HDAC11: variants seen among roughly 807,000 people sequenced by gnomAD.
The protein encoded by HDAC11 is histone deacetylase 11.
HDAC11 carries 23 observed loss-of-function variants against 41.1 expected under a neutral mutation model. That is an observed-to-expected ratio of 0.56 (90% CI 0.40 to 0.79). The LOEUF (loss-of-function observed/expected upper bound fraction) is 0.79, where lower values mean the gene tolerates loss of function less well. HDAC11 is among the 30% of genes least tolerant of loss of function. The probability of loss-of-function intolerance (pLI) is 0.00; values close to 1 mark genes in which losing one functional copy is unlikely to be tolerated. For synonymous variants in HDAC11, 187 were observed against 186.6 expected (o/e 1.00, Z -0.02); for missense variants, 402 against 477.3 (o/e 0.84, Z 1.47).
chr3:13,492,141 G>A (rs1179819161), intron 3 of HDAC11, among the ~76,000 whole-genome samples: 1 of 152,256 alleles, frequency 6.6e-6, no homozygotes, highest in African/African-American at 2.4e-5. Flanking sequence ...CACAGATGTG[G>A]ATTTGGAAGT....
At chr3:13,494,326 C>T (rs568427010) in intron 3 of HDAC11, among the ~76,000 whole-genome samples, 1 of 152,340 alleles carries the variant, frequency 6.6e-6, no homozygotes, top group African/African-American at 2.4e-5. Flanking sequence ...TGGTTCCATG[C>T]CAGCCACACG....
At chr3:13,498,149 C>T (rs1189854497) in intron 4 of HDAC11, among the ~76,000 whole-genome samples, 1 of 152,222 alleles carries the variant, frequency 6.6e-6, no homozygotes, top group Non-Finnish European at 1.5e-5. Context: ...AGCCACTGCG[C>T]CTGGCCCAGT....
intron 6 of HDAC11, chr3:13,501,637 G>T (rs1332455329): frequency 2.8e-6 from 2 of 704,938 alleles, no homozygotes; most frequent in South Asian, 3.0e-5. Flanking sequence ...CAGGGCACAG[G>T]ACATGCCCCC....
chr3:13,489,726 C>A (rs1275956167), intron 3 of HDAC11, among the ~76,000 whole-genome samples: 1 of 152,102 alleles, frequency 6.6e-6, no homozygotes, highest in Admixed American at 6.5e-5. Flanking sequence ...GCTACCATGC[C>A]TGGCTAATTT....
Position 13,480,306 on chromosome 3 carries a change from G to GCCCC in HDAC11, c.-42_-41insCCCC. ...ACCCGCGCCCCGCCCCGCCCCGCCCGGTCGCGGAGCTGCGGCCAGCTTTGG... is the reference window on the plus strand; with the variant it reads ...ACCCGCGCCCCGCCCCGCCCCGCCCGCCCCGTCGCGGAGCTGCGGCCAGCTTTGG... On this transcript the variant is annotated 5_prime_UTR_variant, in exon 1 of 10. Transcript: ENST00000295757. This position sits in a 1 kb window ranked among gnomAD's most constrained non-coding sequence, Gnocchi z 4.6. The GCCCC allele has an allele frequency of 8.1e-7, 1 of 1,234,158 alleles. No individual in the cohort carries two copies. The highest frequency in any genetic ancestry group is 1.6e-5 in the African/African-American group (1 of 63,974). 76.5% of individuals were successfully genotyped at this position (1,234,158 alleles called of 1,614,324 possible). A position where few individuals can be genotyped will look rare whatever the true frequency, so the allele number is the denominator to read the frequency against.
At chr3:13,484,369 A>G (rs575707675) in intron 3 of HDAC11, among the ~76,000 whole-genome samples, 3 of 152,362 alleles carry the variant, frequency 2.0e-5, no homozygotes, top group Non-Finnish European at 4.4e-5. Context: ...CTCAGGGCTC[A>G]GCAGAGAAGA....
intron 3 of HDAC11, among the ~76,000 whole-genome samples, chr3:13,491,322 A>G (rs534630518): frequency 3.3e-5 from 5 of 152,094 alleles, no homozygotes; most frequent in African/African-American, 1.2e-4. Flanking sequence ...CATTGAGTAT[A>G]ATGTCAGCTG....
chr3:13,496,494 T>G (rs936402769), intron 3 of HDAC11: 1 of 396,240 alleles, frequency 2.5e-6, no homozygotes, highest in Non-Finnish European at 4.5e-6. Flanking sequence ...TGAGGAACCC[T>G]GGCCAACTAG....
Position 13,494,350 on chromosome 3 carries a change from G to A in HDAC11, c.253-2386G>A, listed in dbSNP as rs541093511. Among the ~76,000 whole-genome samples, 341 of 152,326 alleles carry A rather than the reference G, an allele frequency of 2.2e-3. 1 individual carries two copies. Among genetic ancestry groups the A allele is most frequent in the African/African-American group, 7.7e-3 (320 of 41,582 alleles). ...GCCAGCCACACGCGGGGCCTCTGCCGGGCAGTGGGATGAGTGTGGTGAACA... is the reference window on the plus strand; with the variant it reads ...GCCAGCCACACGCGGGGCCTCTGCCAGGCAGTGGGATGAGTGTGGTGAACA... On this transcript the variant is annotated intron_variant, in intron 3 of 9. Transcript: ENST00000295757.
In HDAC11 at chr3:13,505,397, TAGC is replaced by T. The variant is rs1702573918; in HGVS notation, c.*717_*719del. The T allele has an allele frequency of 1.3e-5, 2 of 154,916 alleles. No homozygotes were observed. Among genetic ancestry groups the T allele is most frequent in the Admixed American group, 1.3e-4 (2 of 15,798 alleles). 9.6% of individuals were successfully genotyped at this position (154,916 alleles called of 1,614,324 possible). A position where few individuals can be genotyped will look rare whatever the true frequency, so the allele number is the denominator to read the frequency against. ...GCCTGCGGCGCCCAGATCACTGCCTTAGCAGTAGTCTTGCCTGTTCAGTGCAAG... is the reference window on the plus strand; with the variant it reads ...GCCTGCGGCGCCCAGATCACTGCCTTAGTAGTCTTGCCTGTTCAGTGCAAG... On this transcript the variant is annotated 3_prime_UTR_variant, in exon 10 of 10. Coordinates refer to ENST00000295757, the MANE Select transcript of HDAC11 (RefSeq NM_024827.4).
Position 13,483,674 on chromosome 3 carries a change from C to G in HDAC11, c.252+110C>G, listed in dbSNP as rs938021754. ...CCTGGGGAAGCCAAGTCTCACAGGG[C>G]ACCCATTCATGTCCCTAGTGTTGGA... On this transcript the variant is annotated intron_variant, in intron 3 of 9. Transcript: ENST00000295757. 3 of 777,984 alleles carry G rather than the reference C, an allele frequency of 3.9e-6. No homozygotes were observed. In the African/African-American group the frequency reaches 5.1e-5, roughly 13 times the overall value. The allele number at this position is 777,984 out of a possible 1,614,324, so 48.2% of individuals were successfully genotyped here.
chr3:13,484,804 A>G (rs1044645143), intron 3 of HDAC11, among the ~76,000 whole-genome samples: 2 of 152,068 alleles, frequency 1.3e-5, no homozygotes, highest in Admixed American at 1.3e-4. Context: ...CACAGCTCCT[A>G]TTAGTGGCTG....
intron 3 of HDAC11, among the ~76,000 whole-genome samples, chr3:13,495,646 A>C (rs1467806242): frequency 1.3e-5 from 2 of 152,072 alleles, no homozygotes; most frequent in Non-Finnish European, 2.9e-5. Context: ...ATGGTTCCCT[A>C]CTGCCCTGAC....
chr3:13,484,651 G>C (rs983686787), intron 3 of HDAC11, among the ~76,000 whole-genome samples: 2 of 152,056 alleles, frequency 1.3e-5, no homozygotes, highest in Admixed American at 6.6e-5. Context: ...CTCAGCCTCC[G>C]AAGTAGCTGG....
In HDAC11 at chr3:13,502,810, G is replaced by T; in HGVS notation, c.553-74G>T. On this transcript the variant is annotated intron_variant, in intron 7 of 9. Coordinates refer to ENST00000295757, the MANE Select transcript of HDAC11 (RefSeq NM_024827.4). The surrounding 1 kb of genome is among the most constrained non-coding windows in gnomAD (Gnocchi z 4.1). Reference sequence around the variant, plus strand: ...CCTGGCAAATGGGGAGTTTCCTGAGGGGTGGGTGGGTGGCAGAGCCCCAGC... The same window carrying T: ...CCTGGCAAATGGGGAGTTTCCTGAGTGGTGGGTGGGTGGCAGAGCCCCAGC... 1 of 1,144,980 alleles carries T rather than the reference G, an allele frequency of 8.7e-7. No homozygotes were observed. Among genetic ancestry groups the T allele is most frequent in the Non-Finnish European group, 1.3e-6 (1 of 766,016 alleles). 70.9% of individuals were successfully genotyped at this position (1,144,980 alleles called of 1,614,324 possible).
intron 2 of HDAC11, 72 bp downstream of exon 2, chr3:13,481,466 C>CATAA: frequency 6.5e-7 from 1 of 1,550,100 alleles, no homozygotes; most frequent in East Asian, 2.2e-5. Context: ...TCATCCCCAA[C>CATAA]ATAAGCCTCA....
At chr3:13,496,989 A>G in intron 4 of HDAC11, 137 bp downstream of exon 4, 1 of 514,066 alleles carries the variant, frequency 1.9e-6, no homozygotes. Flanking sequence ...GCTCGGCAAC[A>G]ATGACCCTTT....
Position 13,483,520 on chromosome 3 carries a change from G to A in HDAC11, c.208G>A (p.Asp70Asn). 1 of 1,614,068 alleles carries A rather than the reference G, an allele frequency of 6.2e-7. No individual in the cohort carries two copies. The highest frequency in any genetic ancestry group is 8.5e-7 in the Non-Finnish European group (1 of 1,179,996). The change falls in exon 3 of 10, where the codon GAC becomes AAC. Residue 70 changes from aspartate (D) to asparagine (N), a missense_variant. Asp to Asn is a conservative substitution (Grantham distance 23). Coordinates refer to ENST00000295757, the MANE Select transcript of HDAC11 (RefSeq NM_024827.4). ...GGAGGCGCGGGAGGCCTCGGAGGAGGACCTGCTGGTGGTGCACACGAGGCG... is the reference window on the plus strand; with the variant it reads ...GGAGGCGCGGGAGGCCTCGGAGGAGAACCTGCTGGTGGTGCACACGAGGCG... ...LVEAREASEE[D>N]LLVVHTRRYL... is the part of the protein sequence containing the mutation.
At chr3:13,485,895 C>A (rs1387046774) in intron 3 of HDAC11, among the ~76,000 whole-genome samples, 3 of 152,100 alleles carry the variant, frequency 2.0e-5, no homozygotes, top group Non-Finnish European at 2.9e-5. Context: ...AGATGGTGAT[C>A]CAGCTGCATA....
Sources: gnomAD v4.1 joint callset for allele counts (sites outside exome capture counted in the v4.1 genomes callset) on GRCh38, gnomAD v4.1.1 for gene constraint, Gnocchi (gnomAD v3.1) non-coding constraint, MANE v1.5 for transcripts, NCBI Gene and HGNC (gene_info 2026-07-23, HGNC 2026-07-21) for gene names.